Variants in NRXN3 observed in about 807,000 individuals in gnomAD.
NRXN3 encodes neurexin 3.
In NRXN3, 32 loss-of-function variants were observed where a neutral mutation model predicts 137.6. The ratio of observed to expected loss-of-function variants is 0.23; its 90% CI spans 0.18 to 0.31. The LOEUF (loss-of-function observed/expected upper bound fraction) is 0.31. Among genes scored for constraint, NRXN3 ranks in the 10% least tolerant of loss-of-function variants. The pLI is 1.00. For missense variants in NRXN3, 1,574 were observed against 2,062.5 expected (o/e 0.76, Z 4.59); for synonymous variants, 798 against 784.5 (o/e 1.02, Z -0.29).
intron 5 of NRXN3, among the ~76,000 whole-genome samples, chr14:78,649,593 G>A (rs1721378639): frequency 7.4e-6 from 1 of 135,592 alleles, no homozygotes; most frequent in South Asian, 2.3e-4. Context: ...ATCTCTATTT[G>A]GCTAAATTTG....
intron 19 of NRXN3, among the ~76,000 whole-genome samples, chr14:79,719,327 G>GTA (rs758232127): frequency 3.1e-5 from 4 of 127,546 alleles, no homozygotes; most frequent in Non-Finnish European, 6.8e-5. Flanking sequence ...ACACGCGTGT[G>GTA]TATATATATG....
At chr14:78,193,494 C>T (rs977152205) in intron 1 of NRXN3, among the ~76,000 whole-genome samples, 3 of 151,988 alleles carry the variant, frequency 2.0e-5, no homozygotes, top group Admixed American at 6.6e-5. Context: ...AGAATTGGCT[C>T]CTTTTACTAA....
intron 8 of NRXN3, among the ~76,000 whole-genome samples, chr14:78,739,934 G>T (rs762473137): frequency 6.6e-6 from 1 of 152,192 alleles, no homozygotes; most frequent in Non-Finnish European, 1.5e-5. Flanking sequence ...GGCTTCTGTG[G>T]TCAGAGCAGA....
chr14:79,343,922 A>T (rs1306704673), intron 15 of NRXN3, among the ~76,000 whole-genome samples: 1 of 152,066 alleles, frequency 6.6e-6, no homozygotes, highest in African/African-American at 2.4e-5. Flanking sequence ...TACAGGTGTG[A>T]GCCACCATGC....
chr14:79,036,397 T>C (rs138039801), intron 15 of NRXN3, among the ~76,000 whole-genome samples: 2 of 152,078 alleles, frequency 1.3e-5, no homozygotes, highest in African/African-American at 4.8e-5. Context: ...GGTGCTGGTG[T>C]ATGTAGACTT....
chr14:79,234,834 T>G (rs2153305391), intron 15 of NRXN3, among the ~76,000 whole-genome samples: 1 of 152,204 alleles, frequency 6.6e-6, no homozygotes, highest in South Asian at 2.1e-4. Flanking sequence ...GACAGAATAC[T>G]TGTTAATATC....
At chr14:78,931,068 T>C (rs2099320332) in intron 10 of NRXN3, among the ~76,000 whole-genome samples, 1 of 152,200 alleles carries the variant, frequency 6.6e-6, no homozygotes, top group Admixed American at 6.5e-5. Context: ...ATACAATGAA[T>C]AAGTTGTGGT....
intron 16 of NRXN3, among the ~76,000 whole-genome samples, chr14:79,469,052 A>G (rs1212266355): frequency 6.6e-6 from 1 of 152,230 alleles, no homozygotes; most frequent in Non-Finnish European, 1.5e-5. Context: ...TTTATGCTAC[A>G]TATAACTTAA....
At chr14:78,502,702 T>C (rs990352331) in intron 4 of NRXN3, among the ~76,000 whole-genome samples, 2 of 152,200 alleles carry the variant, frequency 1.3e-5, no homozygotes, top group Non-Finnish European at 2.9e-5. Context: ...GATATGATAT[T>C]AGCTGCTTAG....
At chr14:79,479,251 G>A (rs1322091546) in intron 16 of NRXN3, among the ~76,000 whole-genome samples, 1 of 151,978 alleles carries the variant, frequency 6.6e-6, no homozygotes, top group Middle Eastern at 3.4e-3. Context: ...GTATCTTTTT[G>A]TAATCACATC....
chr14:79,625,225 T>C (rs897120874), intron 16 of NRXN3, among the ~76,000 whole-genome samples: 1 of 152,218 alleles, frequency 6.6e-6, no homozygotes, highest in African/African-American at 2.4e-5. Flanking sequence ...ATTTAATATG[T>C]ACATCTACCA....
intron 15 of NRXN3, among the ~76,000 whole-genome samples, chr14:78,992,707 T>A (rs1415024773): frequency 6.6e-6 from 1 of 152,124 alleles, no homozygotes; most frequent in African/African-American, 2.4e-5. Flanking sequence ...AAAATAGCAG[T>A]TTTAAACATT....
chr14:79,411,228 G>T (rs972696997), intron 15 of NRXN3, among the ~76,000 whole-genome samples: 2 of 152,052 alleles, frequency 1.3e-5, no homozygotes, highest in African/African-American at 2.4e-5. Context: ...TAATGGAGGG[G>T]TATTACCAAG....
At chr14:79,630,794 T>G (rs1190313457) in intron 16 of NRXN3, among the ~76,000 whole-genome samples, 1 of 152,248 alleles carries the variant, frequency 6.6e-6, no homozygotes, top group Non-Finnish European at 1.5e-5. Flanking sequence ...TCCATCTCTC[T>G]GCTTACAATT....
At chr14:78,799,966 A>C (rs1426186877) in intron 8 of NRXN3, among the ~76,000 whole-genome samples, 1 of 152,194 alleles carries the variant, frequency 6.6e-6, no homozygotes, top group African/African-American at 2.4e-5. Flanking sequence ...GGGCGGGGAC[A>C]CAGCCAAATC....
At chr14:78,390,347 T>C (rs887469429) in intron 4 of NRXN3, among the ~76,000 whole-genome samples, 1 of 152,170 alleles carries the variant, frequency 6.6e-6, no homozygotes, top group African/African-American at 2.4e-5. Context: ...AGTTGAGTAG[T>C]TGTGTTAAAG....
chr14:78,413,354 T>C (rs1400666620), intron 4 of NRXN3, among the ~76,000 whole-genome samples: 1 of 152,162 alleles, frequency 6.6e-6, no homozygotes, highest in Non-Finnish European at 1.5e-5. Flanking sequence ...GGCATAATCT[T>C]GGCTCACCAC....
At chr14:79,689,733 G>A (rs561346103) in intron 17 of NRXN3, among the ~76,000 whole-genome samples, 1 of 152,052 alleles carries the variant, frequency 6.6e-6, no homozygotes, top group Non-Finnish European at 1.5e-5. Context: ...TCTTTTTCTA[G>A]CCTGTATCAT....
In NRXN3 at chr14:78,198,405, C is replaced by T. The variant is rs573224811; in HGVS notation, c.-704+27731C>T. ...AAAAAGATGAGTCAGGTTGATTGTT[C>T]TGCTCCCTCAGGAGTTTAGAGTTGG... On this transcript the variant is annotated intron_variant, in intron 1 of 20. Coordinates refer to ENST00000335750, the MANE Select transcript of NRXN3 (RefSeq NM_001330195.2). Among the ~76,000 whole-genome samples the T allele has an allele frequency of 2.6e-5, 4 of 152,324 alleles. No homozygotes were observed. In the South Asian group the frequency reaches 6.2e-4, roughly 24 times the overall value.
Sources: gnomAD v4.1 joint callset for allele counts (sites outside exome capture counted in the v4.1 genomes callset) on GRCh38, gnomAD v4.1.1 for gene constraint, MANE v1.5 for transcripts, NCBI Gene and HGNC (gene_info 2026-07-23, HGNC 2026-07-21) for gene names.